The following PUM3 variants were observed in gnomAD, a reference collection of about 807,000 sequenced individuals.
PUM3 encodes the protein pumilio homolog 3.
Under a neutral mutation model 84.0 loss-of-function variants are expected in PUM3, and 91 were observed. The ratio of observed to expected loss-of-function variants is 1.08; its 90% confidence interval spans 0.91 to 1.29. The LOEUF (loss-of-function observed/expected upper bound fraction) is 1.29, where lower values mean the gene tolerates loss of function less well. Among genes scored for constraint, PUM3 ranks in the 50% most tolerant of loss-of-function variants. PUM3 has a pLI of 0.00. For missense variants in PUM3, 1,067 were observed against 767.5 expected (o/e 1.39, Z -4.61); for synonymous variants, 321 against 266.7 (o/e 1.20, Z -1.98).
Position 2,807,917 on chromosome 9 carries a change from C to T in PUM3, c.1724-13G>A, listed in dbSNP as rs1417510320. On this transcript the variant is annotated splice_polypyrimidine_tract_variant and intron_variant, in intron 16 of 17. Coordinates refer to ENST00000397885, the MANE Select transcript of PUM3 (RefSeq NM_014878.5). ...TTTGCAAAACAACCTGTAAAATATA[C>T]TGAAGCTTAGTGAACATCACATAAT... 4 of 1,556,968 alleles carry T rather than the reference C, an allele frequency of 2.6e-6. No homozygotes were observed. The highest frequency in any genetic ancestry group is 1.8e-6 in the Non-Finnish European group (2 of 1,128,966).
chr9:2,838,621 A>G, intron 1 of PUM3, 104 bp from the exon 2 acceptor site: 1 of 704,394 alleles, frequency 1.4e-6, no homozygotes, highest in Non-Finnish European at 2.5e-6. Flanking sequence ...GTCTACAAAT[A>G]CAATACAAAT....
At chr9:2,833,880 A>C (rs1248405907) in intron 4 of PUM3, 151 bp downstream of exon 4, 14 of 668,484 alleles carry the variant, frequency 2.1e-5, no homozygotes, top group Non-Finnish European at 3.5e-5. Flanking sequence ...CAGACTTCCA[A>C]GTACTGATGT....
chr9:2,820,659 T>C (rs931398752), intron 12 of PUM3, among the ~76,000 whole-genome samples: 1 of 152,176 alleles, frequency 6.6e-6, no homozygotes, highest in African/African-American at 2.4e-5. Flanking sequence ...TTGCTCAATT[T>C]CTTTAAAGTG....
intron 1 of PUM3, among the ~76,000 whole-genome samples, chr9:2,842,992 T>A (rs561809793): frequency 1.9e-4 from 29 of 152,288 alleles, no homozygotes; most frequent in African/African-American, 5.5e-4. Context: ...TTCTCTTAAA[T>A]GTCCCTTACG....
At chr9:2,834,294 A>G (rs986689802) in intron 3 of PUM3, 128 bp from the exon 4 acceptor site, 2 of 724,784 alleles carry the variant, frequency 2.8e-6, no homozygotes, top group African/African-American at 1.8e-5. Context: ...AAAGGGGAAC[A>G]TACCATCCCC....
Position 2,804,274 on chromosome 9 carries a change from G to A in PUM3, c.*57C>T, listed in dbSNP as rs1164004957. The A allele has an allele frequency of 7.0e-6, 11 of 1,565,296 alleles. No homozygotes were observed. In the East Asian group the frequency reaches 2.5e-4, roughly 35 times the overall value. ...GACCCTACCCCTTCTTTTCTGCATT[G>A]GGAAACAGAACAGAGAACAGAAAAA... On this transcript the variant is annotated 3_prime_UTR_variant, in exon 18 of 18. Transcript: ENST00000397885.
At position 2,844,074 on chromosome 9, in the gene PUM3, A is replaced by G. The variant is rs1410652346; in HGVS notation, c.-40T>C. The G allele has an allele frequency of 6.3e-6, 1 of 159,328 alleles. No homozygotes were observed. Among genetic ancestry groups the G allele is most frequent in the African/African-American group, 2.4e-5 (1 of 41,430 alleles). The allele number at this position is 159,328 out of a possible 1,614,324, so 9.9% of individuals were successfully genotyped here. ...CACGTGGGACCGAGACAGCTCGCGCAGCGGATCCCGACCGCCTCTCCGCTT... is the reference window on the plus strand; with the variant it reads ...CACGTGGGACCGAGACAGCTCGCGCGGCGGATCCCGACCGCCTCTCCGCTT... On this transcript the variant is annotated 5_prime_UTR_variant, in exon 1 of 18. Coordinates refer to ENST00000397885, the MANE Select transcript of PUM3 (RefSeq NM_014878.5).
chr9:2,841,607 C>G (rs889534215), intron 1 of PUM3, among the ~76,000 whole-genome samples: 1 of 151,358 alleles, frequency 6.6e-6, no homozygotes, highest in Non-Finnish European at 1.5e-5. Context: ...ACATTTCAGA[C>G]AAGATGTTTG....
intron 4 of PUM3, among the ~76,000 whole-genome samples, 199 bp downstream of exon 4, chr9:2,833,832 G>A (rs903252647): frequency 5.9e-5 from 9 of 152,222 alleles, no homozygotes; most frequent in Non-Finnish European, 1.0e-4. Context: ...AAGCATATCC[G>A]ATGCCATCAT....
chr9:2,806,831 CA>C (rs1171725659), intron 17 of PUM3, among the ~76,000 whole-genome samples: 1 of 152,096 alleles, frequency 6.6e-6, no homozygotes, highest in Non-Finnish European at 1.5e-5. Context: ...TCTTTTAAAA[CA>C]ATGAAGGAAA....
chr9:2,830,051 C>G, intron 7 of PUM3, 103 bp from the exon 8 acceptor site: 1 of 971,162 alleles, frequency 1.0e-6, no homozygotes, highest in South Asian at 1.6e-5. Context: ...CAATCTGTGT[C>G]ACTCTGAGGA....
chr9:2,837,502 T>C, intron 2 of PUM3, 101 bp from the exon 3 acceptor site: 1 of 699,242 alleles, frequency 1.4e-6, no homozygotes, highest in Non-Finnish European at 2.4e-6. Context: ...TTAATCCCAA[T>C]ACCATGTCTT....
intron 12 of PUM3, among the ~76,000 whole-genome samples, chr9:2,823,388 C>G (rs73639226): frequency 0.088 from 13,425 of 152,006 alleles, 1,006 homozygotes; most frequent in African/African-American, 0.2. Flanking sequence ...AGGAAAACTA[C>G]TATCAAGTTT....
chr9:2,808,933 T>A (rs113537173), intron 16 of PUM3, among the ~76,000 whole-genome samples: 34 of 152,260 alleles, frequency 2.2e-4, no homozygotes, highest in African/African-American at 8.2e-4. Flanking sequence ...TTTGTCCTCT[T>A]GGGATGCTCA....
chr9:2,809,110 C>T (rs547777075), intron 16 of PUM3, among the ~76,000 whole-genome samples: 2 of 152,168 alleles, frequency 1.3e-5, no homozygotes, highest in Non-Finnish European at 2.9e-5. Flanking sequence ...CTAGATGACT[C>T]TGACTCTGAG....
chr9:2,842,010 C>G (rs1290572220), intron 1 of PUM3, among the ~76,000 whole-genome samples: 1 of 152,194 alleles, frequency 6.6e-6, no homozygotes, highest in Non-Finnish European at 1.5e-5. Context: ...CTCCTTCCCT[C>G]TTTCCTGACT....
At chr9:2,840,727 G>A (rs995688476) in intron 1 of PUM3, among the ~76,000 whole-genome samples, 11 of 152,116 alleles carry the variant, frequency 7.2e-5, no homozygotes, top group Non-Finnish European at 1.2e-4. Flanking sequence ...CTTTTGACGC[G>A]GCCCAACTGT....
chr9:2,837,798 A>C (rs1405360761), intron 2 of PUM3, among the ~76,000 whole-genome samples: 1 of 152,208 alleles, frequency 6.6e-6, no homozygotes, highest in South Asian at 2.1e-4. Context: ...AAGTCTTAAG[A>C]AATGACTTCT....
intron 11 of PUM3, among the ~76,000 whole-genome samples, chr9:2,824,079 G>T (rs763189335): frequency 5.2e-4 from 79 of 152,048 alleles, no homozygotes; most frequent in Non-Finnish European, 7.5e-4. Context: ...TAGGGTTAGG[G>T]TTTGCAAGCC....
Sources: gnomAD v4.1 joint callset for allele counts (sites outside exome capture counted in the v4.1 genomes callset) on GRCh38, gnomAD v4.1.1 for gene constraint, MANE v1.5 for transcripts, NCBI Gene and HGNC (gene_info 2026-07-23, HGNC 2026-07-21) for gene names.